ITPK1: variants seen among roughly 807,000 people sequenced by gnomAD.
ITPK1 encodes the protein inositol-tetrakisphosphate 1-kinase, also known as inositol 1,3,4-trisphosphate 5/6-kinase.
ITPK1 carries 21 observed loss-of-function variants against 45.3 expected under a neutral mutation model. The ratio of observed to expected loss-of-function variants is 0.46; its 90% CI spans 0.33 to 0.67. The LOEUF (loss-of-function observed/expected upper bound fraction) is 0.67. Ranked by LOEUF, ITPK1 falls within the 30% of genes least tolerant of loss-of-function variation. ITPK1 has a pLI of 0.02. For synonymous variants in ITPK1, 258 were observed against 253.6 expected, an observed-to-expected ratio of 1.02 and a Z score of -0.16; for missense variants, 474 against 573.5, an observed-to-expected ratio of 0.83 and a Z score of 1.77.
chr14:92,998,895 C>T (rs1323300117), intron 4 of ITPK1: 1 of 152,128 alleles, frequency 6.6e-6, no homozygotes, highest in Non-Finnish European at 1.5e-5. Context: ...AAGGCAGTGG[C>T]CACTTACCTG....
intron 10 of ITPK1, among the ~76,000 whole-genome samples, chr14:92,945,543 C>T (rs752749811): frequency 1.3e-5 from 2 of 152,252 alleles, no homozygotes; most frequent in Admixed American, 6.5e-5. Context: ...CGGGGGACCC[C>T]CATCTGGGGA....
At chr14:93,051,541 G>A (rs1363514628) in intron 3 of ITPK1, among the ~76,000 whole-genome samples, 1 of 130,838 alleles carries the variant, frequency 7.6e-6, no homozygotes, top group Non-Finnish European at 1.7e-5. Context: ...GCTTGAGCCT[G>A]GGAGGCGGAG....
intron 5 of ITPK1, among the ~76,000 whole-genome samples, chr14:92,966,380 A>T (rs1371532781): frequency 6.6e-6 from 1 of 152,260 alleles, no homozygotes; most frequent in East Asian, 1.9e-4. Flanking sequence ...AAAAGAAATA[A>T]ATTTAAAAAA....
Position 92,941,070 on chromosome 14 carries a change from G to A in ITPK1, c.*491C>T. On this transcript the variant is annotated 3_prime_UTR_variant, in exon 11 of 11. Transcript: ENST00000267615. The stretch of plus-strand genomic sequence containing the variant: ...ACAAAGCCTTGGTGGAGACCAGTAG[G>A]AGGAAAAACAAGGAAGGGGCAGGTC... 1.2e-5 allele frequency: 15 copies of A among 1,204,070 alleles called. No individual in the cohort carries two copies. In the South Asian group the frequency reaches 1.7e-4, roughly 13 times the overall value. The allele number at this position is 1,204,070 out of a possible 1,614,324, so 74.6% of individuals were successfully genotyped here.
intron 2 of ITPK1, among the ~76,000 whole-genome samples, chr14:93,107,117 C>G (rs941323393): frequency 6.6e-6 from 1 of 152,158 alleles, no homozygotes; most frequent in African/African-American, 2.4e-5. Flanking sequence ...GCCACCATGC[C>G]CTGCTAATTT....
At chr14:92,946,289 C>T (rs1261560068) in intron 10 of ITPK1, 42 bp downstream of exon 10, 1 of 1,608,838 alleles carries the variant, frequency 6.2e-7, no homozygotes, top group Non-Finnish European at 8.5e-7. Context: ...TGAGGACAGT[C>T]TCTGGAGGCC....
In ITPK1 at chr14:92,939,948, G is replaced by A. The variant is rs1409851530; in HGVS notation, c.*1613C>T. On this transcript the variant is annotated 3_prime_UTR_variant, in exon 11 of 11. Coordinates refer to ENST00000267615, the MANE Select transcript of ITPK1 (RefSeq NM_014216.6). ...TCCTGTTCCCCAGGGCTCAGGGTCA[G>A]AACTAGGAAAGGTGACGTACAGACA... 2.0e-6 allele frequency: 2 copies of A among 985,778 alleles called. No homozygotes were observed. Among genetic ancestry groups the A allele is most frequent in the East Asian group, 2.3e-4 (2 of 8,830 alleles). 61.1% of individuals were successfully genotyped at this position (985,778 alleles called of 1,614,324 possible). A position where few individuals can be genotyped will look rare whatever the true frequency, so the allele number is the denominator to read the frequency against.
intron 9 of ITPK1, among the ~76,000 whole-genome samples, chr14:92,949,060 G>C (rs932820825): frequency 6.6e-6 from 1 of 152,012 alleles, no homozygotes; most frequent in Non-Finnish European, 1.5e-5. Flanking sequence ...TGGCCTGGCT[G>C]TAAGAGACAC....
At chr14:93,097,149 G>A (rs566686746) in intron 2 of ITPK1, among the ~76,000 whole-genome samples, 40 of 152,338 alleles carry the variant, frequency 2.6e-4, no homozygotes, top group African/African-American at 4.6e-4. Flanking sequence ...GCCGGCCAAC[G>A]CGCAGACCCG....
rs112044086 is a variant in ITPK1 at position 93,034,236 on chromosome 14, G to A, written c.121-17435C>T. Among the ~76,000 whole-genome samples the A allele has an allele frequency of 0.035, 5,257 of 148,168 alleles. 148 individuals carry two copies. Among genetic ancestry groups the A allele is most frequent in the Middle Eastern group, 0.059 (17 of 288 alleles). On this transcript the variant is annotated intron_variant, in intron 3 of 10. Coordinates refer to ENST00000267615, the MANE Select transcript of ITPK1 (RefSeq NM_014216.6). This position sits in a 1 kb window ranked among gnomAD's most constrained non-coding sequence, Gnocchi z 4.1. ...CAGCCACACAGCACCTGCAGCAGCC[G>A]GGGGTTCCCATGGCAAACCACCCAC... is the stretch of plus-strand genomic sequence containing the variant.
intron 3 of ITPK1, among the ~76,000 whole-genome samples, chr14:93,031,938 A>G (rs138508657): frequency 7.2e-4 from 110 of 152,222 alleles, no homozygotes; most frequent in Non-Finnish European, 1.3e-3. Context: ...TCAAACTCCT[A>G]CAAAGCCTGC....
At position 93,032,885 on chromosome 14, in the gene ITPK1, C is replaced by T. The variant is rs1382862735; in HGVS notation, c.121-16084G>A. Among the ~76,000 whole-genome samples, 1 of 152,152 alleles carries T rather than the reference C, an allele frequency of 6.6e-6. No homozygotes were observed. The highest frequency in any genetic ancestry group is 1.9e-4 in the East Asian group (1 of 5,198). ...AGGCCAGCACGGATCGGATCGTGCA[C>T]CCTGCAAAGCCAGCCCTTTTCTCTA... On this transcript the variant is annotated intron_variant, in intron 3 of 10. Transcript: ENST00000267615. This position sits in a 1 kb window ranked among gnomAD's most constrained non-coding sequence, Gnocchi z 4.0.
intron 3 of ITPK1, among the ~76,000 whole-genome samples, chr14:93,072,326 T>A (rs1341315151): frequency 6.6e-6 from 1 of 151,344 alleles, no homozygotes; most frequent in African/African-American, 2.4e-5. Context: ...ATTAAATAAG[T>A]AAAATTTAAT....
intron 9 of ITPK1, among the ~76,000 whole-genome samples, chr14:92,948,221 C>A (rs1455472228): frequency 1.3e-5 from 2 of 151,674 alleles, no homozygotes; most frequent in Non-Finnish European, 2.9e-5. Flanking sequence ...GCCGGTGGGC[C>A]CAGGGTTTTC....
chr14:93,027,471 C>T (rs2139881059), intron 3 of ITPK1, among the ~76,000 whole-genome samples: 1 of 152,254 alleles, frequency 6.6e-6, no homozygotes, highest in Middle Eastern at 3.4e-3. Context: ...ATTATTATTC[C>T]CATTGTACAG....
rs1330683328 is a variant in ITPK1 at position 93,076,866 on chromosome 14, G to A, written c.96-247C>T. ...TGCTGGAGTCCTCTGGAGGCCCCACGCCAGCCACCTCCCTCCACTCCTGGG... is the reference window on the plus strand; with the variant it reads ...TGCTGGAGTCCTCTGGAGGCCCCACACCAGCCACCTCCCTCCACTCCTGGG... On this transcript the variant is annotated intron_variant, in intron 2 of 10. Transcript: ENST00000267615. This position sits in a 1 kb window ranked among gnomAD's most constrained non-coding sequence, Gnocchi z 4.3. Among the ~76,000 whole-genome samples the A allele has an allele frequency of 1.3e-5, 2 of 152,090 alleles. No individual in the cohort carries two copies. The highest frequency in any genetic ancestry group is 3.9e-4 in the East Asian group (2 of 5,172).
At chr14:93,018,772 G>A (rs1050457188) in intron 3 of ITPK1, among the ~76,000 whole-genome samples, 1 of 152,128 alleles carries the variant, frequency 6.6e-6, no homozygotes, top group African/African-American at 2.4e-5. Context: ...CGGGGAAGAC[G>A]CTCCCTGCTG....
intron 10 of ITPK1, 83 bp from the exon 11 acceptor site, chr14:92,941,987 AT>A: frequency 1.6e-6 from 2 of 1,212,934 alleles, no homozygotes; most frequent in Non-Finnish European, 2.4e-6. Flanking sequence ...GGCAGAACCG[AT>A]GGGCTCCTGG....
chr14:93,107,737 C>G (rs145676420), intron 2 of ITPK1, among the ~76,000 whole-genome samples: 124 of 152,302 alleles, frequency 8.1e-4, no homozygotes, highest in South Asian at 1.4e-3. Context: ...ACACGAATCT[C>G]AGATCCACCC....
Sources: gnomAD v4.1 joint callset for allele counts (sites outside exome capture counted in the v4.1 genomes callset) on GRCh38, gnomAD v4.1.1 for gene constraint, Gnocchi (gnomAD v3.1) non-coding constraint, MANE v1.5 for transcripts, NCBI Gene and HGNC (gene_info 2026-07-23, HGNC 2026-07-21) for gene names.